USP24: variants seen among roughly 807,000 people sequenced by gnomAD.
The protein encoded by USP24 is ubiquitin specific peptidase 24.
USP24 carries 97 observed loss-of-function variants against 361.6 expected under a neutral mutation model. The observed-to-expected ratio is 0.27, with a 90% CI of 0.23 to 0.32. The LOEUF (loss-of-function observed/expected upper bound fraction) is 0.32. Among genes scored for constraint, USP24 ranks in the 10% least tolerant of loss-of-function variants. USP24 has a pLI of 1.00. For missense variants in USP24, 2,353 were observed against 3,165.6 expected (o/e 0.74, Z 6.16); for synonymous variants, 1,098 against 1,124.6 (o/e 0.98, Z 0.47).
chr1:55,127,516 C>A (rs555574050), intron 32 of USP24, among the ~76,000 whole-genome samples: 11 of 152,150 alleles, frequency 7.2e-5, no homozygotes, highest in Non-Finnish European at 1.6e-4. Flanking sequence ...TGAATAGTGC[C>A]GCAATAAACA....
At chr1:55,154,864 G>T in intron 12 of USP24, 86 bp from the exon 13 acceptor site, 1 of 943,012 alleles carries the variant, frequency 1.1e-6, no homozygotes, top group Non-Finnish European at 1.6e-6. Context: ...AGAAGCACAA[G>T]CAAAAATATA....
chr1:55,171,675 A>C lies in USP24; in HGVS notation c.706T>G (p.Phe236Val), dbSNP rs1176894226. Residue 236 changes from phenylalanine (F) to valine (V), a missense_variant, in exon 5 of 68, where the codon TTC (phenylalanine) becomes GTC (valine). Transcript: ENST00000294383. ...AAATGGTATTCATTATCAGGATTGA[A>C]AGCCTAGATTCAAAGAGAACAGAGA... ...TGLLGVLTMA[F>V]NPDNEYHFKN... The C allele has an allele frequency of 6.2e-7, 1 of 1,602,788 alleles. No homozygotes were observed. The highest frequency in any genetic ancestry group is 1.3e-5 in the African/African-American group (1 of 74,780).
At chr1:55,174,773 A>T (rs1188849467) in intron 3 of USP24, among the ~76,000 whole-genome samples, 2 of 152,048 alleles carry the variant, frequency 1.3e-5, no homozygotes, top group Non-Finnish European at 2.9e-5. Flanking sequence ...TTACAATATA[A>T]CAATTTTGCT....
chr1:55,123,584 C>T lies in USP24; in HGVS notation c.4139G>A (p.Gly1380Glu). The change falls in exon 36 of 68, where the codon GGA (glycine) becomes GAA (glutamate). Residue 1380 changes from glycine (G) to glutamate (E), a missense_variant. Transcript: ENST00000294383. ...LSSSGSNCSSGSEGEPVALHA... is the reference protein window; with the variant it reads ...LSSSGSNCSSESEGEPVALHA... ...CAGGGCTACTGGTTCTCCTTCACTT[C>T]CAGAGCTGCAATTGCTTCCTGAAAA... The T allele has an allele frequency of 3.8e-6, 6 of 1,595,428 alleles. No individual in the cohort carries two copies. Among genetic ancestry groups the T allele is most frequent in the Non-Finnish European group, 5.1e-6 (6 of 1,170,634 alleles).
At chr1:55,122,398 G>A (rs1011773825) in intron 36 of USP24, among the ~76,000 whole-genome samples, 1 of 152,174 alleles carries the variant, frequency 6.6e-6, no homozygotes, top group African/African-American at 2.4e-5. Flanking sequence ...AGGCACAGGA[G>A]TATCAAGTGG....
intron 28 of USP24, among the ~76,000 whole-genome samples, chr1:55,135,029 A>C (rs1646695142): frequency 6.6e-6 from 1 of 152,216 alleles, no homozygotes; most frequent in Non-Finnish European, 1.5e-5. Context: ...ATTCAGGATA[A>C]ATGTGAGACA....
intron 13 of USP24, 25 bp from the exon 14 acceptor site, chr1:55,154,491 A>G (rs1378200326): frequency 7.1e-6 from 11 of 1,544,958 alleles, no homozygotes; most frequent in Non-Finnish European, 9.6e-6. Flanking sequence ...AGACACAGGA[A>G]TTGCTTCACG....
chr1:55,117,870 G>C (rs1646167361), intron 38 of USP24, among the ~76,000 whole-genome samples: 1 of 147,848 alleles, frequency 6.8e-6, no homozygotes, highest in Non-Finnish European at 1.5e-5. Flanking sequence ...AACTGAAAAA[G>C]AAATCAACAA....
intron 40 of USP24, 23 bp from the exon 41 acceptor site, chr1:55,106,286 T>A (rs756807459): frequency 6.5e-7 from 1 of 1,536,650 alleles, no homozygotes; most frequent in Non-Finnish European, 9.0e-7. Flanking sequence ...ATAATATTCA[T>A]GTTGAAGATG....
chr1:55,115,641 A>T (rs1237268277), intron 38 of USP24, among the ~76,000 whole-genome samples: 1 of 152,132 alleles, frequency 6.6e-6, no homozygotes, highest in Non-Finnish European at 1.5e-5. Flanking sequence ...CAGAAATACC[A>T]TTTGACCCAG....
At chr1:55,176,353 T>C in intron 3 of USP24, 23 bp downstream of exon 3, 1 of 1,546,146 alleles carries the variant, frequency 6.5e-7, no homozygotes, top group South Asian at 1.2e-5. Flanking sequence ...ACACAAAATA[T>C]CACAGCAGCA....
chr1:55,192,788 T>TA (rs1195523520), intron 1 of USP24, among the ~76,000 whole-genome samples: 1 of 152,170 alleles, frequency 6.6e-6, no homozygotes, highest in Non-Finnish European at 1.5e-5. Context: ...GATAAACAAG[T>TA]AAGTGTATGC....
At chr1:55,208,493 T>C (rs1164265832) in intron 1 of USP24, among the ~76,000 whole-genome samples, 1 of 150,858 alleles carries the variant, frequency 6.6e-6, no homozygotes, top group Non-Finnish European at 1.5e-5. Context: ...CCGGATGTGG[T>C]TGGTGCATGC....
intron 1 of USP24, among the ~76,000 whole-genome samples, chr1:55,207,281 GAAA>G (rs71822893): frequency 1.5e-5 from 2 of 133,156 alleles, no homozygotes; most frequent in Non-Finnish European, 1.6e-5. Flanking sequence ...ATGGAAAGGG[GAAA>G]AAAAAAAAAA....
In USP24 at chr1:55,145,986, G is replaced by C. The variant is rs761015892; in HGVS notation, c.2362+12C>G. ...AAAGTACTGAAAAAAATGATTTTAA[G>C]TTTTTTCCTACCATTCATAGTGATT... On this transcript the variant is annotated intron_variant, in intron 20 of 67. Transcript: ENST00000294383. The C allele has an allele frequency of 1.3e-6, 2 of 1,575,650 alleles. No individual in the cohort carries two copies. The highest frequency in any genetic ancestry group is 1.3e-5 in the African/African-American group (1 of 74,084).
chr1:55,149,959 T>C (rs1415828221), intron 16 of USP24, among the ~76,000 whole-genome samples: 2 of 152,184 alleles, frequency 1.3e-5, no homozygotes, highest in African/African-American at 4.8e-5. Context: ...CACTAAAGCA[T>C]TTTCCGAAGT....
intron 18 of USP24, 47 bp downstream of exon 18, chr1:55,147,602 T>C (rs1169468366): frequency 6.6e-7 from 1 of 1,519,196 alleles, no homozygotes. Flanking sequence ...TATAAAAAGG[T>C]CAAATTAATG....
At chr1:55,184,076 A>C (rs1206221643) in intron 1 of USP24, among the ~76,000 whole-genome samples, 1 of 152,118 alleles carries the variant, frequency 6.6e-6, no homozygotes, top group African/African-American at 2.4e-5. Context: ...GGTTTTTTTG[A>C]GACAGGGTCT....
At position 55,083,872 on chromosome 1, in the gene USP24, T is replaced by C; in HGVS notation, c.6782A>G (p.Gln2261Arg). 6.3e-7 allele frequency: 1 copy of C among 1,597,216 alleles called. No homozygotes were observed. The highest frequency in any genetic ancestry group is 8.5e-7 in the Non-Finnish European group (1 of 1,171,850). ...CAGAGCAAGTAGTACCTCCAGTAAC[T>C]GATGAAGGCTTTTTAACTGGTTAGA... Reference protein sequence around the residue: ...FYQDKLKSLHQLLEVLLALLD... With the variant: ...FYQDKLKSLHRLLEVLLALLD... The change falls in exon 57 of 68, where the codon CAG becomes CGG. Residue 2261 changes from glutamine (Q) to arginine (R), a missense_variant. Around this residue, in one of 8 missense-constraint regions of USP24, gnomAD observed 598 missense variants for 761.9 expected, o/e 0.78. Coordinates refer to ENST00000294383, the MANE Select transcript of USP24 (RefSeq NM_015306.3).
Sources: gnomAD v4.1 joint callset for allele counts (sites outside exome capture counted in the v4.1 genomes callset) on GRCh38, gnomAD v4.1.1 for gene constraint, gnomAD v4.1.1 regional missense constraint, MANE v1.5 for transcripts, NCBI Gene and HGNC (gene_info 2026-07-23, HGNC 2026-07-21) for gene names.